The following ZNF267 variants were observed in gnomAD, a reference collection of about 807,000 sequenced individuals.
ZNF267 encodes the protein zinc finger (C2H2).
In ZNF267, 61 loss-of-function variants were observed where a neutral mutation model predicts 71.6. That is an observed-to-expected ratio of 0.85 (90% CI 0.69 to 1.05). ZNF267 has a LOEUF of 1.05. Among genes scored for constraint, ZNF267 ranks in the 50% least tolerant of loss-of-function variants. The pLI, the probability that ZNF267 is intolerant of heterozygous loss-of-function variation, is 0.00. For missense variants in ZNF267, 852 were observed against 870.0 expected, an observed-to-expected ratio of 0.98 and a Z score of 0.26; for synonymous variants, 288 against 293.2, an observed-to-expected ratio of 0.98 and a Z score of 0.18.
intron 3 of ZNF267, among the ~76,000 whole-genome samples, chr16:31,887,712 G>T (rs1449624253): frequency 6.6e-6 from 1 of 151,970 alleles, no homozygotes; most frequent in Non-Finnish European, 1.5e-5. Flanking sequence ...TTTCTTTCTG[G>T]TTTTTGTATT....
intron 3 of ZNF267, among the ~76,000 whole-genome samples, chr16:31,903,479 T>G (rs2084059769): frequency 6.6e-6 from 1 of 152,254 alleles, no homozygotes; most frequent in Admixed American, 6.5e-5. Flanking sequence ...GTTATTGGTC[T>G]GTTTAGAGAC....
chr16:31,916,453 A>T lies in ZNF267; in HGVS notation c.2204A>T (p.Gln735Leu), dbSNP rs758894105. ...FNSRSYLIAH[Q>L]RSHTREKL is the part of the protein sequence containing the mutation. ...TCTAGGTCATACCTCATTGCACATC[A>T]GAGAAGTCATACTAGAGAAAAACTT... Residue 735 changes from glutamine to leucine, a missense_variant, in exon 4 of 4, where the codon CAG becomes CTG. Physicochemically the swap from Gln to Leu is moderately radical, Grantham distance 113. Coordinates refer to ENST00000300870, the MANE Select transcript of ZNF267 (RefSeq NM_003414.6). 2 of 1,612,808 alleles carry T rather than the reference A, an allele frequency of 1.2e-6. No individual in the cohort carries two copies. The highest frequency in any genetic ancestry group is 2.2e-5 in the South Asian group (2 of 90,874).
chr16:31,897,029 T>C (rs766394616), intron 3 of ZNF267, among the ~76,000 whole-genome samples: 5 of 151,990 alleles, frequency 3.3e-5, no homozygotes, highest in Non-Finnish European at 7.4e-5. Flanking sequence ...TAGTACTTAG[T>C]AGTAGATGTC....
chr16:31,915,323 C>T lies in ZNF267; in HGVS notation c.1074C>T (p.Val358=). 1 of 1,613,830 alleles carries T rather than the reference C, an allele frequency of 6.2e-7. No homozygotes were observed. Among genetic ancestry groups the T allele is most frequent in the Non-Finnish European group, 8.5e-7 (1 of 1,179,900 alleles). ...GTAAATGGAAAGAATGTGGCAAGGT[C>T]TTTAACCTTAACTGTAGTTTATACC... ...KPCKWKECGK[V]FNLNCSLYLT... The change falls in exon 4 of 4, where the codon GTC becomes GTT. Residue 358 remains valine, a synonymous_variant. Transcript: ENST00000300870.
At chr16:31,886,975 C>T (rs936188338) in intron 3 of ZNF267, among the ~76,000 whole-genome samples, 6 of 152,072 alleles carry the variant, frequency 3.9e-5, no homozygotes, top group Admixed American at 3.9e-4. Context: ...TTTACATTTC[C>T]ACTGACAGTG....
chr16:31,886,906 T>C (rs1025561982), intron 3 of ZNF267, among the ~76,000 whole-genome samples: 4 of 152,192 alleles, frequency 2.6e-5, no homozygotes, highest in Non-Finnish European at 5.9e-5. Flanking sequence ...GTTCATATAA[T>C]ACTATTTTTA....
At chr16:31,874,222 G>C (rs1362100715) in intron 1 of ZNF267, 6 of 474,374 alleles carry the variant, frequency 1.3e-5, no homozygotes, top group Non-Finnish European at 1.1e-5. Flanking sequence ...GCCCTCTCTG[G>C]GCAGCTCCGC....
intron 3 of ZNF267, among the ~76,000 whole-genome samples, chr16:31,886,377 C>T (rs530174249): frequency 1.8e-4 from 27 of 152,242 alleles, no homozygotes; most frequent in African/African-American, 6.5e-4. Context: ...GACCATTGGG[C>T]CAGCAAGCAT....
chr16:31,891,903 TAGCAGGC>T (rs972098738), intron 3 of ZNF267, among the ~76,000 whole-genome samples: 3 of 152,188 alleles, frequency 2.0e-5, no homozygotes, highest in Non-Finnish European at 4.4e-5. Context: ...TGGAACTGGG[TAGCAGGC>T]AGAGATTAGA....
intron 1 of ZNF267, among the ~76,000 whole-genome samples, chr16:31,883,912 G>T (rs971367259): frequency 5.9e-5 from 9 of 152,236 alleles, no homozygotes; most frequent in Non-Finnish European, 1.3e-4. Context: ...GGTGGCTCAT[G>T]CCTGTAGCCT....
At chr16:31,902,643 G>A (rs1182803695) in intron 3 of ZNF267, among the ~76,000 whole-genome samples, 1 of 152,156 alleles carries the variant, frequency 6.6e-6, no homozygotes, top group Non-Finnish European at 1.5e-5. Flanking sequence ...CATTGATTTT[G>A]TATCCTGAGA....
chr16:31,894,515 A>T, intron 3 of ZNF267: 1 of 501,866 alleles, frequency 2.0e-6, no homozygotes. Flanking sequence ...GTGACACCTA[A>T]TTCTTCTTCT....
intron 3 of ZNF267, among the ~76,000 whole-genome samples, chr16:31,905,208 T>A (rs1488004723): frequency 2.2e-4 from 34 of 152,222 alleles, no homozygotes; most frequent in Admixed American, 2.2e-3. Flanking sequence ...TCTCTCTGGC[T>A]GCCCTTAACA....
At chr16:31,892,021 G>A (rs1298377986) in intron 3 of ZNF267, among the ~76,000 whole-genome samples, 3 of 152,028 alleles carry the variant, frequency 2.0e-5, no homozygotes, top group African/African-American at 4.8e-5. Flanking sequence ...ATAATGATAC[G>A]GACAACAAAA....
chr16:31,914,350 C>T lies in ZNF267; in HGVS notation c.227-126C>T, dbSNP rs1437846254. On this transcript the variant is annotated intron_variant, in intron 3 of 3. Coordinates refer to ENST00000300870, the MANE Select transcript of ZNF267 (RefSeq NM_003414.6). ...AGTTTGTATATCAATTGAGAAAACA[C>T]GGCCTCAGGTTTTTCACTCAACTGT... 3.4e-5 allele frequency: 28 copies of T among 820,900 alleles called. 1 individual carries two copies. The highest frequency in any genetic ancestry group is 8.5e-5 in the East Asian group (3 of 35,124). The allele number at this position is 820,900 out of a possible 1,614,324, so 50.9% of individuals were successfully genotyped here. A position where few individuals can be genotyped will look rare whatever the true frequency, so the allele number is the denominator to read the frequency against.
intron 1 of ZNF267, 112 bp downstream of exon 1, chr16:31,874,081 G>A (rs1299679672): frequency 4.0e-6 from 5 of 1,245,844 alleles, no homozygotes; most frequent in Non-Finnish European, 5.7e-6. Context: ...CGGGGTCTGG[G>A]CCCCGAGTCC....
chr16:31,878,422 G>A (rs978311865), intron 1 of ZNF267, among the ~76,000 whole-genome samples: 2 of 152,038 alleles, frequency 1.3e-5, no homozygotes, highest in Non-Finnish European at 2.9e-5. Flanking sequence ...ACATGTCCCC[G>A]TCCATCCCAG....
chr16:31,911,995 C>T (rs2084139301), intron 3 of ZNF267: 1 of 151,412 alleles, frequency 6.6e-6, no homozygotes, highest in African/African-American at 2.4e-5. Flanking sequence ...TTTGTTGGTT[C>T]TCTTTATGTC....
chr16:31,883,063 G>C (rs2083900697), intron 1 of ZNF267, among the ~76,000 whole-genome samples: 1 of 151,944 alleles, frequency 6.6e-6, no homozygotes, highest in African/African-American at 2.4e-5. Context: ...CAGTTCTGTA[G>C]GTTTCCATTT....
Sources: allele counts gnomAD v4.1 joint callset (sites outside exome capture counted in the v4.1 genomes callset), GRCh38; gene constraint gnomAD v4.1.1; transcripts MANE v1.5; gene names NCBI Gene and HGNC (gene_info 2026-07-23, HGNC 2026-07-21).